MAGI3: variants seen among roughly 807,000 people sequenced by gnomAD.
MAGI3 encodes membrane-associated guanylate kinase, WW and PDZ domain-containing protein 3.
Under a neutral mutation model 121.8 loss-of-function variants are expected in MAGI3, and 43 were observed. The observed-to-expected ratio is 0.35, with a 90% confidence interval of 0.28 to 0.46. The LOEUF (loss-of-function observed/expected upper bound fraction) is 0.46. Among genes scored for constraint, MAGI3 ranks in the 20% least tolerant of loss-of-function variants. MAGI3 has a pLI of 1.00. For missense variants in MAGI3, 1,547 were observed against 1,797.3 expected (o/e 0.86, Z 2.52); for synonymous variants, 553 against 639.3 (o/e 0.86, Z 2.04).
chr1:113,559,134 G>A (rs1199199325), intron 2 of MAGI3, among the ~76,000 whole-genome samples: 1 of 152,158 alleles, frequency 6.6e-6, no homozygotes, highest in African/African-American at 2.4e-5. Context: ...TTATGAAGCA[G>A]CCACCATAAA....
chr1:113,681,469 C>A, intron 20 of MAGI3, 133 bp downstream of exon 20: 2 of 931,530 alleles, frequency 2.1e-6, no homozygotes, highest in Non-Finnish European at 3.1e-6. Context: ...CCATGAAAAG[C>A]TAGTTACATA....
At chr1:113,555,498 A>G (rs1355363437) in intron 2 of MAGI3, among the ~76,000 whole-genome samples, 3 of 152,218 alleles carry the variant, frequency 2.0e-5, no homozygotes, top group African/African-American at 7.2e-5. Flanking sequence ...GATGCCACCC[A>G]ACAGCAGCAG....
chr1:113,551,554 G>T (rs912787856), intron 2 of MAGI3, among the ~76,000 whole-genome samples: 1 of 152,134 alleles, frequency 6.6e-6, no homozygotes, highest in East Asian at 1.9e-4. Flanking sequence ...TGTAGCTGCA[G>T]ATTGTAACTT....
intron 19 of MAGI3, among the ~76,000 whole-genome samples, chr1:113,680,363 G>A (rs954848041): frequency 1.3e-5 from 2 of 152,222 alleles, no homozygotes; most frequent in African/African-American, 4.8e-5. Flanking sequence ...TCTCCTGCGA[G>A]AGTTGATAAG....
In MAGI3 at chr1:113,657,479, G is replaced by A. The variant is rs79556632; in HGVS notation, c.2630-1601G>A. On this transcript the variant is annotated intron_variant, in intron 15 of 20. Coordinates refer to ENST00000307546, the MANE Select transcript of MAGI3 (RefSeq NM_001142782.2). ...CACATTGCTCGCAGACTGAGAAAGG[G>A]GACCACTAAGATTTCAGAGATTAAT... is the stretch of plus-strand genomic sequence containing the variant. 3.0e-3 allele frequency among the ~76,000 whole-genome samples: 456 copies of A among 152,198 alleles called. 2 individuals carry two copies. The highest frequency in any genetic ancestry group is 0.011 in the African/African-American group (440 of 41,514).
intron 1 of MAGI3, among the ~76,000 whole-genome samples, chr1:113,415,312 T>C (rs1423488749): frequency 6.6e-6 from 1 of 152,102 alleles, no homozygotes; most frequent in African/African-American, 2.4e-5. Context: ...TCCAGACTGA[T>C]TAAAACTGGC....
At chr1:113,611,241 C>T (rs1033031258) in intron 6 of MAGI3, among the ~76,000 whole-genome samples, 7 of 151,954 alleles carry the variant, frequency 4.6e-5, no homozygotes, top group Non-Finnish European at 1.0e-4. Context: ...AACCTACCAC[C>T]ACGCCCAGCT....
At chr1:113,546,315 G>A (rs1174631438) in intron 1 of MAGI3, among the ~76,000 whole-genome samples, 1 of 152,094 alleles carries the variant, frequency 6.6e-6, no homozygotes, top group Admixed American at 6.5e-5. Context: ...ACTTGCAGAT[G>A]TTTACATAAA....
At chr1:113,611,707 A>T (rs1228337888) in intron 6 of MAGI3, among the ~76,000 whole-genome samples, 1 of 152,124 alleles carries the variant, frequency 6.6e-6, no homozygotes, top group Non-Finnish European at 1.5e-5. Context: ...ATCATGTCAC[A>T]GTTCACCTTA....
intron 9 of MAGI3, among the ~76,000 whole-genome samples, chr1:113,638,446 A>G (rs949162204): frequency 6.6e-6 from 1 of 152,196 alleles, no homozygotes; most frequent in Non-Finnish European, 1.5e-5. Context: ...TTTCCTTCTA[A>G]CAGACAGGAC....
intron 1 of MAGI3, among the ~76,000 whole-genome samples, chr1:113,459,319 A>G (rs1654918212): frequency 6.6e-6 from 1 of 152,240 alleles, no homozygotes; most frequent in African/African-American, 2.4e-5. Context: ...CTTTTTATAT[A>G]GATACTTATC....
intron 2 of MAGI3, among the ~76,000 whole-genome samples, chr1:113,568,325 A>C (rs1660519779): frequency 6.6e-6 from 1 of 152,102 alleles, no homozygotes; most frequent in South Asian, 2.1e-4. Flanking sequence ...AGTCCTCTAT[A>C]GTGTGAAATT....
intron 9 of MAGI3, 102 bp downstream of exon 9, chr1:113,623,096 A>G (rs1031279109): frequency 1.3e-5 from 10 of 796,870 alleles, no homozygotes; most frequent in Admixed American, 4.1e-5. Context: ...ATTAAATTAT[A>G]TAACTAAAGA....
At chr1:113,430,563 A>T (rs1424091157) in intron 1 of MAGI3, among the ~76,000 whole-genome samples, 1 of 152,164 alleles carries the variant, frequency 6.6e-6, no homozygotes, top group African/African-American at 2.4e-5. Context: ...ATGATGCATG[A>T]TATATGACTG....
intron 16 of MAGI3, 124 bp from the exon 17 acceptor site, chr1:113,671,601 GTGCTGTTCA>G: frequency 1.4e-6 from 1 of 717,618 alleles, no homozygotes; most frequent in South Asian, 1.9e-5. Context: ...GCTGACAATA[GTGCTGTTCA>G]TGCTAAAGCC....
chr1:113,479,198 G>A (rs1050245631), intron 1 of MAGI3, among the ~76,000 whole-genome samples: 1 of 152,186 alleles, frequency 6.6e-6, no homozygotes, highest in African/African-American at 2.4e-5. Flanking sequence ...GATCCCTTGC[G>A]CTTCCCAGGT....
At chr1:113,546,776 T>C (rs1266307126) in intron 1 of MAGI3, among the ~76,000 whole-genome samples, 1 of 151,808 alleles carries the variant, frequency 6.6e-6, no homozygotes, top group Non-Finnish European at 1.5e-5. Flanking sequence ...CTTAAGATCT[T>C]GTAGGCCCTT....
chr1:113,494,849 C>T (rs1256651325), intron 1 of MAGI3, among the ~76,000 whole-genome samples: 1 of 152,020 alleles, frequency 6.6e-6, no homozygotes, highest in Non-Finnish European at 1.5e-5. Context: ...GATTAATGAG[C>T]TTTGTTAATA....
At chr1:113,607,234 A>G (rs763714712) in intron 6 of MAGI3, among the ~76,000 whole-genome samples, 21 of 152,180 alleles carry the variant, frequency 1.4e-4, no homozygotes, top group Non-Finnish European at 2.4e-4. Context: ...AAGCTTCACT[A>G]CTATTTTACA....
Sources: allele counts gnomAD v4.1 joint callset (sites outside exome capture counted in the v4.1 genomes callset), GRCh38; gene constraint gnomAD v4.1.1; transcripts MANE v1.5; gene names NCBI Gene and HGNC (gene_info 2026-07-23, HGNC 2026-07-21).